Variants in ADGRF5 observed in about 807,000 individuals in gnomAD.
ADGRF5 encodes the protein adhesion G protein-coupled receptor F5.
A neutral mutation model predicts 132.3 loss-of-function variants in ADGRF5; 75 were observed. The ratio of observed to expected loss-of-function variants is 0.57; its 90% CI spans 0.47 to 0.69. The LOEUF is 0.69. Ranked by LOEUF, ADGRF5 falls within the 30% of genes least tolerant of loss-of-function variation. ADGRF5 has a pLI of 0.00. For missense variants in ADGRF5, 1,516 were observed against 1,630.6 expected, an observed-to-expected ratio of 0.93 and a Z score of 1.21; for synonymous variants, 629 against 597.6, an observed-to-expected ratio of 1.05 and a Z score of -0.77.
Position 46,862,891 on chromosome 6 carries a change from A to G in ADGRF5, c.2196T>C (p.Ala732=), listed in dbSNP as rs1253895699. The G allele has an allele frequency of 3.1e-6, 5 of 1,602,338 alleles. No homozygotes were observed. The highest frequency in any genetic ancestry group is 4.5e-5 in the East Asian group (2 of 44,780). ...SAPINSLLQM[A]KALIKSPSQD... Reference sequence around the variant, plus strand: ...GAGTGGAAGCTTTAAGGATCACCTTAGCCATCTGGAGCAGACTGTTTATTG... The same window carrying G: ...GAGTGGAAGCTTTAAGGATCACCTTGGCCATCTGGAGCAGACTGTTTATTG... The change falls in exon 15 of 21, where the codon GCT becomes GCC. Residue 732 remains alanine (A), a synonymous_variant. Coordinates refer to ENST00000283296, the MANE Select transcript of ADGRF5 (RefSeq NM_001098518.2).
At chr6:46,912,872 T>A (rs112834609) in intron 1 of ADGRF5, among the ~76,000 whole-genome samples, 62 of 152,220 alleles carry the variant, frequency 4.1e-4, no homozygotes, top group Middle Eastern at 3.4e-3. Flanking sequence ...GCAAGTTAGC[T>A]CACTGCAACC....
chr6:46,865,847 G>A (rs1354505827), intron 13 of ADGRF5, among the ~76,000 whole-genome samples: 2 of 152,174 alleles, frequency 1.3e-5, no homozygotes, highest in African/African-American at 4.8e-5. Flanking sequence ...TTGCCTTTCA[G>A]GGCATGGGCC....
At chr6:46,954,267 T>C (rs772325511) in intron 1 of ADGRF5, among the ~76,000 whole-genome samples, 1 of 151,948 alleles carries the variant, frequency 6.6e-6, no homozygotes, top group Non-Finnish European at 1.5e-5. Context: ...TTATAGCACA[T>C]AGGCACTCTA....
chr6:46,857,874 G>A (rs1306129516), intron 17 of ADGRF5, among the ~76,000 whole-genome samples: 1 of 152,190 alleles, frequency 6.6e-6, no homozygotes, highest in Non-Finnish European at 1.5e-5. Flanking sequence ...CCTTTTACTA[G>A]TGTAATCAGT....
chr6:46,936,823 G>T (rs1777853332), intron 1 of ADGRF5, among the ~76,000 whole-genome samples: 1 of 152,176 alleles, frequency 6.6e-6, no homozygotes, highest in Non-Finnish European at 1.5e-5. Flanking sequence ...GGAGGTTGTA[G>T]TATGGAAGCA....
In ADGRF5 at chr6:46,871,959, T is replaced by C. The variant is rs371975641; in HGVS notation, c.1295A>G (p.Asp432Gly). Residue 432 changes from aspartate to glycine, a missense_variant, in exon 11 of 21, where the codon GAT becomes GGT. Physicochemically the swap from Asp to Gly is moderately conservative, Grantham distance 94. Transcript: ENST00000283296. ...CGACCCGCTTGGGCACTGGGTTCCA[T>C]CAGCCTTGAGGGTGTATCTGCTGCA... is the stretch of plus-strand genomic sequence containing the variant. ...SSCSRYTLKA[D>G]GTQCPSGSSG... is the part of the protein sequence containing the mutation. The C allele has an allele frequency of 1.9e-6, 3 of 1,613,410 alleles. No individual in the cohort carries two copies. The highest frequency in any genetic ancestry group is 2.7e-5 in the African/African-American group (2 of 74,912).
chr6:46,856,479 G>T (rs1769062466), intron 19 of ADGRF5, among the ~76,000 whole-genome samples: 1 of 152,130 alleles, frequency 6.6e-6, no homozygotes, highest in Non-Finnish European at 1.5e-5. Context: ...TAAATATGTG[G>T]AGTAGCATCT....
chr6:46,904,304 C>T (rs955173378), intron 2 of ADGRF5, among the ~76,000 whole-genome samples: 7 of 152,128 alleles, frequency 4.6e-5, no homozygotes, highest in Non-Finnish European at 2.9e-5. Flanking sequence ...AACTCATGTC[C>T]GTGGATGGAT....
chr6:46,905,898 T>C (rs890692709), intron 2 of ADGRF5, among the ~76,000 whole-genome samples: 1 of 152,220 alleles, frequency 6.6e-6, no homozygotes, highest in African/African-American at 2.4e-5. Context: ...CTAATTTAAT[T>C]TTCATAACAA....
intron 1 of ADGRF5, among the ~76,000 whole-genome samples, chr6:46,921,322 G>T (rs2150925741): frequency 6.6e-6 from 1 of 152,264 alleles, no homozygotes. Flanking sequence ...CACAGCAATG[G>T]CCGACTGGCC....
At chr6:46,857,993 A>G in intron 17 of ADGRF5, 136 bp downstream of exon 17, 1 of 653,180 alleles carries the variant, frequency 1.5e-6, no homozygotes, top group Non-Finnish European at 2.6e-6. Flanking sequence ...TTGAGTTCTC[A>G]TTATTACTGC....
intron 1 of ADGRF5, among the ~76,000 whole-genome samples, chr6:46,917,895 A>G (rs989768785): frequency 1.3e-5 from 2 of 152,256 alleles, no homozygotes; most frequent in Non-Finnish European, 1.5e-5. Flanking sequence ...CTTCAAGTAT[A>G]ATAATTAAAA....
Position 46,853,762 on chromosome 6 carries a change from A to G in ADGRF5, c.*230T>C. On this transcript the variant is annotated 3_prime_UTR_variant, in exon 21 of 21. Coordinates refer to ENST00000283296, the MANE Select transcript of ADGRF5 (RefSeq NM_001098518.2). ...AGGGCTTGAGTTTCACTTAAATACT[A>G]TACACATGTGGTATCACACAAGGGG... The G allele has an allele frequency of 2.6e-6, 1 of 385,460 alleles. No individual in the cohort carries two copies. Among genetic ancestry groups the G allele is most frequent in the South Asian group, 2.7e-5 (1 of 36,658 alleles). The allele number at this position is 385,460 out of a possible 1,614,324, so 23.9% of individuals were successfully genotyped here. A position where few individuals can be genotyped will look rare whatever the true frequency, so the allele number is the denominator to read the frequency against.
At chr6:46,905,275 G>A (rs1157096745) in intron 2 of ADGRF5, 1 of 152,192 alleles carries the variant, frequency 6.6e-6, no homozygotes. Context: ...TATTGTGTAT[G>A]AGTGTACAGG....
intron 1 of ADGRF5, among the ~76,000 whole-genome samples, chr6:46,949,442 A>G (rs987074206): frequency 3.3e-5 from 5 of 152,218 alleles, no homozygotes; most frequent in African/African-American, 7.2e-5. Flanking sequence ...CCAGATCCCT[A>G]CTTCACAAAG....
In ADGRF5 at chr6:46,877,322, C is replaced by CTTCT. The variant is rs201240602; in HGVS notation, c.1240+876_1240+879dup. 5.1e-3 allele frequency among the ~76,000 whole-genome samples: 154 copies of CTTCT among 30,280 alleles called. 1 individual carries two copies. Among genetic ancestry groups the CTTCT allele is most frequent in the Middle Eastern group, 0.014 (1 of 72 alleles). The allele number at this position is 30,280 out of a possible 152,430, so 19.9% of individuals were successfully genotyped here. ...CTCTCTCTCTTTCCTTCCTTCCTTC[C>CTTCT]TTCTTTCTTTCTTTCTTTCTTTCTT... On this transcript the variant is annotated intron_variant, in intron 10 of 20. Coordinates refer to ENST00000283296, the MANE Select transcript of ADGRF5 (RefSeq NM_001098518.2).
intron 1 of ADGRF5, among the ~76,000 whole-genome samples, chr6:46,953,900 T>C (rs1411824308): frequency 6.6e-6 from 1 of 151,908 alleles, no homozygotes; most frequent in Non-Finnish European, 1.5e-5. Context: ...GTATAAATTA[T>C]TTCTCTTAGA....
In ADGRF5 at chr6:46,858,789, C is replaced by G; in HGVS notation, c.3114G>C (p.Trp1038Cys). Reference sequence around the variant, plus strand: ...AAGTCCGGTTCTTGGTCACCGATTTCCACACCACAGCTTCCACAACTAGAC... The same window carrying G: ...AAGTCCGGTTCTTGGTCACCGATTTGCACACCACAGCTTCCACAACTAGAC... ...AACLVVEAVVWKSVTKNRTSY... is the reference protein window; with the variant it reads ...AACLVVEAVVCKSVTKNRTSY... The change falls in exon 17 of 21, where the codon TGG becomes TGC. Residue 1038 changes from tryptophan to cysteine, a missense_variant. Coordinates refer to ENST00000283296, the MANE Select transcript of ADGRF5 (RefSeq NM_001098518.2). 1 of 1,614,132 alleles carries G rather than the reference C, an allele frequency of 6.2e-7. No homozygotes were observed. Among genetic ancestry groups the G allele is most frequent in the Non-Finnish European group, 8.5e-7 (1 of 1,179,998 alleles).
In ADGRF5 at chr6:46,888,334, C is replaced by G; in HGVS notation, c.328+1G>C. On this transcript the variant is annotated splice_donor_variant, in intron 4 of 20. Transcript: ENST00000283296. LOFTEE classifies it high-confidence loss of function. Reference sequence around the variant, plus strand: ...TCTGAAGCAATGGGTCTCTTACTCACCTGTTGTCACATTTATGCTCAAAAT... The same window carrying G: ...TCTGAAGCAATGGGTCTCTTACTCAGCTGTTGTCACATTTATGCTCAAAAT... 6.3e-7 allele frequency: 1 copy of G among 1,599,926 alleles called. No homozygotes were observed.
Sources: gnomAD v4.1 joint callset for allele counts (sites outside exome capture counted in the v4.1 genomes callset) on GRCh38, gnomAD v4.1.1 for gene constraint, MANE v1.5 for transcripts, NCBI Gene and HGNC (gene_info 2026-07-23, HGNC 2026-07-21) for gene names.